Variants in PHLDB1 observed in about 807,000 individuals in gnomAD.
PHLDB1 encodes the protein pleckstrin homology-like domain family B member 1.
Under a neutral mutation model 139.3 loss-of-function variants are expected in PHLDB1, and 65 were observed. The observed-to-expected ratio is 0.47, with a 90% confidence interval of 0.38 to 0.57. The LOEUF (loss-of-function observed/expected upper bound fraction) is 0.57, where lower values mean the gene tolerates loss of function less well. Ranked by LOEUF, PHLDB1 falls within the 20% of genes least tolerant of loss-of-function variation. PHLDB1 has a pLI of 0.00. For missense variants in PHLDB1, 1,624 were observed against 1,839.7 expected, an observed-to-expected ratio of 0.88 and a Z score of 2.14; for synonymous variants, 679 against 734.5, an observed-to-expected ratio of 0.92 and a Z score of 1.22.
intron 4 of PHLDB1, 39 bp downstream of exon 4, chr11:118,616,250 T>G: frequency 6.3e-7 from 1 of 1,590,584 alleles, no homozygotes; most frequent in Non-Finnish European, 8.6e-7. Flanking sequence ...GGCCTCTGTT[T>G]AAAGGCTTGT....
At chr11:118,656,535 TG>T in intron 22 of PHLDB1, 147 bp from the exon 23 acceptor site, 2 of 634,056 alleles carry the variant, frequency 3.2e-6, no homozygotes, top group Non-Finnish European at 5.5e-6. Flanking sequence ...TCACATGGAC[TG>T]GTAGGGTCTA....
At chr11:118,644,752 A>G in intron 15 of PHLDB1, 1 of 1,147,360 alleles carries the variant, frequency 8.7e-7, no homozygotes, top group Non-Finnish European at 1.2e-6. Flanking sequence ...TGGCATCAGC[A>G]TGATGTGTCC....
intron 5 of PHLDB1, 27 bp from the exon 6 acceptor site, chr11:118,627,278 G>A (rs782387271): frequency 5.6e-6 from 9 of 1,610,930 alleles, no homozygotes; most frequent in African/African-American, 1.3e-5. Flanking sequence ...GCTCCCTAAA[G>A]TCAAAGACCT....
intron 10 of PHLDB1, chr11:118,636,827 A>G (rs1265204335): frequency 2.0e-5 from 3 of 152,142 alleles, no homozygotes; most frequent in African/African-American, 7.2e-5. Flanking sequence ...TAGATCAGCT[A>G]ATCTCATCCC....
In PHLDB1 at chr11:118,645,429, C is replaced by G; in HGVS notation, c.3195C>G (p.Cys1065Trp). ...AGAAAGCGGCAGCTGAGGCACAGTGCCAGTGGGATGCCCTTCACGGGGCAG... is the reference window on the plus strand; with the variant it reads ...AGAAAGCGGCAGCTGAGGCACAGTGGCAGTGGGATGCCCTTCACGGGGCAG... The part of the protein sequence containing the change: ...LKQKAAAEAQ[C>W]QWDALHGAAP... Residue 1065 changes from cysteine to tryptophan, a missense_variant, in exon 16 of 23, where the codon TGC (cysteine) becomes TGG (tryptophan). Transcript: ENST00000600882. The surrounding 1 kb of genome is among the most constrained non-coding windows in gnomAD (Gnocchi z 5.1). 3 of 1,569,586 alleles carry G rather than the reference C, an allele frequency of 1.9e-6. No individual in the cohort carries two copies. Among genetic ancestry groups the G allele is most frequent in the Non-Finnish European group, 2.6e-6 (3 of 1,160,464 alleles).
At chr11:118,614,754 TC>T in intron 3 of PHLDB1, 72 bp downstream of exon 3, 1 of 1,508,292 alleles carries the variant, frequency 6.6e-7, no homozygotes, top group Non-Finnish European at 9.1e-7. Context: ...GAGGCCCACC[TC>T]CTGCATGTGT....
At chr11:118,635,620 A>G in intron 10 of PHLDB1, 72 bp downstream of exon 10, 1 of 1,300,584 alleles carries the variant, frequency 7.7e-7, no homozygotes, top group Non-Finnish European at 1.0e-6. Flanking sequence ...CAATGACCTC[A>G]CAAAAGTTAA....
chr11:118,631,406 G>T lies in PHLDB1; in HGVS notation c.2027G>T (p.Trp676Leu). 6.7e-7 allele frequency: 1 copy of T among 1,489,816 alleles called. No individual in the cohort carries two copies. The highest frequency in any genetic ancestry group is 8.9e-7 in the Non-Finnish European group (1 of 1,120,122). The allele number at this position is 1,489,816 out of a possible 1,614,324, so 92.3% of individuals were successfully genotyped here. The stretch of plus-strand genomic sequence containing the variant: ...CCTGGCGTTGCCACCCAACGCCTAT[G>T]GGAGAGTATGGAGCGCTCAGATGAG... ...EEPGVATQRLWESMERSDEEN... is the reference protein window; with the variant it reads ...EEPGVATQRLLESMERSDEEN... Residue 676 changes from tryptophan (W) to leucine (L), a missense_variant, in exon 7 of 23, where the codon TGG becomes TTG. Coordinates refer to ENST00000600882, the MANE Select transcript of PHLDB1 (RefSeq NM_001144758.3).
chr11:118,616,937 C>G (rs1490175328), intron 4 of PHLDB1, among the ~76,000 whole-genome samples: 1 of 151,984 alleles, frequency 6.6e-6, no homozygotes, highest in East Asian at 1.9e-4. Context: ...CCTAGCTACT[C>G]GGGAAGCTGA....
Position 118,632,534 on chromosome 11 carries a change from CCTCT to C in PHLDB1, c.2379+239_2379+242del. ...CTCCTCTGTCTGGGTCTGTGTGCTA[CCTCT>C]GGGTGCCTGCCATCCTAGGCCCTTT... is the stretch of plus-strand genomic sequence containing the variant. On this transcript the variant is annotated intron_variant, in intron 9 of 22. Coordinates refer to ENST00000600882, the MANE Select transcript of PHLDB1 (RefSeq NM_001144758.3). This position sits in a 1 kb window ranked among gnomAD's most constrained non-coding sequence, Gnocchi z 5.9. 1.8e-6 allele frequency: 1 copy of C among 562,668 alleles called. No individual in the cohort carries two copies. Among genetic ancestry groups the C allele is most frequent in the Non-Finnish European group, 3.2e-6 (1 of 317,038 alleles). 34.9% of individuals were successfully genotyped at this position (562,668 alleles called of 1,614,324 possible).
rs1307500272 is a variant in PHLDB1, at chr11:118,656,974, C to T, written c.*151C>T. 1 of 665,232 alleles carries T rather than the reference C, an allele frequency of 1.5e-6. No individual in the cohort carries two copies. Among genetic ancestry groups the T allele is most frequent in the Non-Finnish European group, 2.5e-6 (1 of 402,344 alleles). 41.2% of individuals were successfully genotyped at this position (665,232 alleles called of 1,614,324 possible). ...AAAGTAGAGGTGGCTTTGCTGCCTC[C>T]TGGGAGCCCAGAACTTGCAGTAACC... On this transcript the variant is annotated 3_prime_UTR_variant, in exon 23 of 23. Coordinates refer to ENST00000600882, the MANE Select transcript of PHLDB1 (RefSeq NM_001144758.3).
intron 4 of PHLDB1, among the ~76,000 whole-genome samples, chr11:118,623,477 T>G (rs911529107): frequency 6.6e-6 from 1 of 152,076 alleles, no homozygotes; most frequent in Non-Finnish European, 1.5e-5. Flanking sequence ...GTACTCACAC[T>G]TCCCGGGCAG....
In PHLDB1 at chr11:118,631,423, T is replaced by C; in HGVS notation, c.2044T>C (p.Ser682Pro). 2.1e-6 allele frequency: 3 copies of C among 1,456,710 alleles called. No homozygotes were observed. The highest frequency in any genetic ancestry group is 2.6e-5 in the East Asian group (1 of 38,720). 90.2% of individuals were successfully genotyped at this position (1,456,710 alleles called of 1,614,324 possible). A position where few individuals can be genotyped will look rare whatever the true frequency, so the allele number is the denominator to read the frequency against. The stretch of plus-strand genomic sequence containing the variant: ...ACGCCTATGGGAGAGTATGGAGCGC[T>C]CAGATGAGGAAAATCTCAAGGAGGA... ...TQRLWESMER[S>P]DEENLKEECS... The change falls in exon 7 of 23, where the codon TCA (serine) becomes CCA (proline). Residue 682 changes from serine to proline, a missense_variant. By Grantham distance (74) the Ser-to-Pro change is moderately conservative. Coordinates refer to ENST00000600882, the MANE Select transcript of PHLDB1 (RefSeq NM_001144758.3).
At chr11:118,652,416 G>T (rs1948473291) in intron 20 of PHLDB1, 1 of 152,236 alleles carries the variant, frequency 6.6e-6, no homozygotes. Context: ...TAGGAGGATG[G>T]TCAGGATTAG....
In PHLDB1 at chr11:118,632,628, T is replaced by C. The variant is rs1433317064; in HGVS notation, c.2379+332T>C. The C allele has an allele frequency of 4.3e-5, 12 of 277,436 alleles. No homozygotes were observed. The highest frequency in any genetic ancestry group is 1.4e-4 in the East Asian group (2 of 14,212). The allele number at this position is 277,436 out of a possible 1,614,324, so 17.2% of individuals were successfully genotyped here. The stretch of plus-strand genomic sequence containing the variant: ...GTGAGCACAGCCCAAGGGACTGACA[T>C]TGGGGAGTGATTCAAGTTCGGGTCC... On this transcript the variant is annotated intron_variant, in intron 9 of 22. Coordinates refer to ENST00000600882, the MANE Select transcript of PHLDB1 (RefSeq NM_001144758.3). This position sits in a 1 kb window ranked among gnomAD's most constrained non-coding sequence, Gnocchi z 5.9.
Position 118,650,384 on chromosome 11 carries a change from C to T in PHLDB1, c.3772-61C>T. ...CCATGAATACAGGCACAGGCGATGG[C>T]ACACACTTAAGGCTTAAGGGCTGCA... On this transcript the variant is annotated intron_variant, in intron 19 of 22. Transcript: ENST00000600882. This position sits in a 1 kb window ranked among gnomAD's most constrained non-coding sequence, Gnocchi z 4.7. The T allele has an allele frequency of 2.5e-6, 3 of 1,186,664 alleles. No individual in the cohort carries two copies. Among genetic ancestry groups the T allele is most frequent in the Non-Finnish European group, 3.8e-6 (3 of 789,954 alleles). The allele number at this position is 1,186,664 out of a possible 1,614,324, so 73.5% of individuals were successfully genotyped here.
At chr11:118,614,437 T>C (rs1941169293) in intron 2 of PHLDB1, 122 bp from the exon 3 acceptor site, 1 of 1,065,906 alleles carries the variant, frequency 9.4e-7, no homozygotes, top group Non-Finnish European at 1.4e-6. Flanking sequence ...GTGCTAAGCC[T>C]TTCAGCACCC....
Position 118,629,500 on chromosome 11 carries a change from C to T in PHLDB1, c.1827+850C>T, listed in dbSNP as rs1047990597. On this transcript the variant is annotated intron_variant, in intron 6 of 22. Coordinates refer to ENST00000600882, the MANE Select transcript of PHLDB1 (RefSeq NM_001144758.3). ...AATGGATTCTGCCCTCTGTCCCTTA[C>T]GAGCAGAACAGGGTTCTTTGGAAGG... Among the ~76,000 whole-genome samples, 8 of 152,144 alleles carry T rather than the reference C, an allele frequency of 5.3e-5. No individual in the cohort carries two copies. In the South Asian group the frequency reaches 6.2e-4, roughly 12 times the overall value.
chr11:118,631,076 C>A, intron 6 of PHLDB1, 131 bp from the exon 7 acceptor site: 1 of 792,184 alleles, frequency 1.3e-6, no homozygotes, highest in Non-Finnish European at 1.8e-6. Context: ...TCAGGCCTCT[C>A]CTGACTTGAC....
Sources: allele counts gnomAD v4.1 joint callset (sites outside exome capture counted in the v4.1 genomes callset), GRCh38; gene constraint gnomAD v4.1.1; non-coding constraint Gnocchi (gnomAD v3.1); transcripts MANE v1.5; gene names NCBI Gene and HGNC (gene_info 2026-07-23, HGNC 2026-07-21).